The following KNDC1 variants were observed in gnomAD, a reference collection of about 807,000 sequenced individuals.
KNDC1 encodes the protein kinase non-catalytic C-lobe domain-containing protein 1.
A neutral mutation model predicts 172.8 loss-of-function variants in KNDC1; 106 were observed. The ratio of observed to expected loss-of-function variants is 0.61; its 90% CI spans 0.52 to 0.72. The LOEUF (loss-of-function observed/expected upper bound fraction) is 0.72, where lower values mean the gene tolerates loss of function less well. Ranked by LOEUF, KNDC1 falls within the 30% of genes least tolerant of loss-of-function variation. The pLI is 0.00. For synonymous variants in KNDC1, 1,083 were observed against 1,062.2 expected, an observed-to-expected ratio of 1.02 and a Z score of -0.38; for missense variants, 2,325 against 2,394.5, an observed-to-expected ratio of 0.97 and a Z score of 0.61.
Position 133,225,833 on chromosome 10 carries a change from C to G in KNDC1, c.*943C>G, listed in dbSNP as rs1384249065. 2 of 152,562 alleles carry G rather than the reference C, an allele frequency of 1.3e-5. No individual in the cohort carries two copies. Among genetic ancestry groups the G allele is most frequent in the Non-Finnish European group, 2.9e-5 (2 of 68,260 alleles). 9.5% of individuals were successfully genotyped at this position (152,562 alleles called of 1,614,324 possible). On this transcript the variant is annotated 3_prime_UTR_variant, in exon 30 of 30. Coordinates refer to ENST00000304613, the MANE Select transcript of KNDC1 (RefSeq NM_152643.8). ...GTGCGCTGCCTCCACGGCCCCTTGCCCTTGCTCAGGTTCTTGGACCCCAGG... is the reference window on the plus strand; with the variant it reads ...GTGCGCTGCCTCCACGGCCCCTTGCGCTTGCTCAGGTTCTTGGACCCCAGG...
At chr10:133,204,934 T>G (rs1185600600) in intron 17 of KNDC1, among the ~76,000 whole-genome samples, 3 of 147,710 alleles carry the variant, frequency 2.0e-5, no homozygotes, top group Non-Finnish European at 4.5e-5. Context: ...CACCTCACAG[T>G]CCCCCTGAAG....
rs1854044020 is a variant in KNDC1, at chr10:133,190,335, TAAACACCCTGCACTAAGCACCCTGC to T, written c.1575+524_1575+548del. On this transcript the variant is annotated intron_variant, in intron 9 of 29. Coordinates refer to ENST00000304613, the MANE Select transcript of KNDC1 (RefSeq NM_152643.8). ...ACACCCTGCAGTAAGCACCCTGCAC[TAAACACCCTGCACTAAGCACCCTGC>T]ACTAAACAAACACCCTGCACTAAAC... Among the ~76,000 whole-genome samples the T allele has an allele frequency of 7.2e-5, 4 of 55,278 alleles. No individual in the cohort carries two copies. In the South Asian group the frequency reaches 6.3e-3, roughly 87 times the overall value. 36.3% of individuals were successfully genotyped at this position (55,278 alleles called of 152,430 possible). A position where few individuals can be genotyped will look rare whatever the true frequency, so the allele number is the denominator to read the frequency against.
At chr10:133,206,186 G>A (rs1369767238) in intron 17 of KNDC1, among the ~76,000 whole-genome samples, 1 of 152,106 alleles carries the variant, frequency 6.6e-6, no homozygotes, top group African/African-American at 2.4e-5. Flanking sequence ...GGCAACAAGA[G>A]AAAAACCCCA....
At chr10:133,160,612 G>A in intron 1 of KNDC1, 43 bp downstream of exon 1, 2 of 1,435,036 alleles carry the variant, frequency 1.4e-6, no homozygotes, top group East Asian at 2.6e-5. Flanking sequence ...CGCCGCCGAG[G>A]GGTCCGCGGA....
Position 133,198,953 on chromosome 10 carries a change from C to T in KNDC1, c.2445C>T (p.Ala815=), listed in dbSNP as rs560932020. 79 of 1,550,838 alleles carry T rather than the reference C, an allele frequency of 5.1e-5. No homozygotes were observed. The highest frequency in any genetic ancestry group is 2.4e-4 in the South Asian group (20 of 84,782). ...GVASGGLRPD[A]LGPTTAHHGP... ...CTTCCGGGGGCCTCAGGCCCGACGC[C>T]CTGGGGCCCACCACGGCCCACCACG... Residue 815 remains alanine, a synonymous_variant, in exon 14 of 30, where the codon GCC becomes GCT. Coordinates refer to ENST00000304613, the MANE Select transcript of KNDC1 (RefSeq NM_152643.8).
At chr10:133,174,798 GGCGGATGGGTGGATGGTGGATAT>G (rs1853479966) in intron 3 of KNDC1, among the ~76,000 whole-genome samples, 1 of 151,854 alleles carries the variant, frequency 6.6e-6, no homozygotes, top group Non-Finnish European at 1.5e-5. Flanking sequence ...TGGACGAATG[GGCGGATGGGTGGATGGTGGATAT>G]GTGGATGGAT....
chr10:133,186,750 C>A, intron 6 of KNDC1, 76 bp downstream of exon 6: 3 of 1,026,944 alleles, frequency 2.9e-6, no homozygotes, highest in Non-Finnish European at 4.2e-6. Flanking sequence ...TCCACAGATG[C>A]AAACGCTTTG....
chr10:133,197,219 T>C, intron 11 of KNDC1, 84 bp downstream of exon 11: 1 of 1,077,202 alleles, frequency 9.3e-7, no homozygotes, highest in Non-Finnish European at 1.4e-6. Flanking sequence ...GCCTGGCCGC[T>C]CCCGGCAGCC....
At chr10:133,160,598 CT>C in intron 1 of KNDC1, 29 bp downstream of exon 1, 1 of 1,495,358 alleles carries the variant, frequency 6.7e-7, no homozygotes, top group South Asian at 1.2e-5. Context: ...TGGGGGGCCC[CT>C]TCCGCCGCCG....
intron 10 of KNDC1, among the ~76,000 whole-genome samples, chr10:133,196,447 G>A (rs776753753): frequency 1.3e-5 from 2 of 152,198 alleles, no homozygotes; most frequent in African/African-American, 2.4e-5. Context: ...GGGTGATCAG[G>A]AGGACCTCCT....
intron 3 of KNDC1, among the ~76,000 whole-genome samples, chr10:133,172,894 T>G (rs1169581770): frequency 6.6e-6 from 1 of 152,144 alleles, no homozygotes; most frequent in Non-Finnish European, 1.5e-5. Context: ...CCCCAGCCGC[T>G]CAGGAGGCTG....
intron 23 of KNDC1, 134 bp downstream of exon 23, chr10:133,211,992 C>CGTCT: frequency 1.2e-6 from 1 of 803,260 alleles, no homozygotes; most frequent in Non-Finnish European, 1.9e-6. Flanking sequence ...TACATGCATA[C>CGTCT]ACATAGACGT....
rs1178307057 is a variant in KNDC1, at chr10:133,225,623, T to G, written c.*733T>G. The G allele has an allele frequency of 6.6e-6, 1 of 152,428 alleles. No individual in the cohort carries two copies. Among genetic ancestry groups the G allele is most frequent in the African/African-American group, 2.4e-5 (1 of 41,422 alleles). 9.4% of individuals were successfully genotyped at this position (152,428 alleles called of 1,614,324 possible). On this transcript the variant is annotated 3_prime_UTR_variant, in exon 30 of 30. Coordinates refer to ENST00000304613, the MANE Select transcript of KNDC1 (RefSeq NM_152643.8). ...GTCATGCCCGGGCAAAGGCCCTGCT[T>G]CCTGGAAAGGACACTCAGAGCAGCT...
Position 133,160,302 on chromosome 10 carries a change from G to C in KNDC1, c.-166G>C. ...ACCCCGCGCCCCCCGCGCCCCCCGG[G>C]CCCGCCCCGTATCCCTGACCGCGTC... On this transcript the variant is annotated 5_prime_UTR_variant, in exon 1 of 30. Coordinates refer to ENST00000304613, the MANE Select transcript of KNDC1 (RefSeq NM_152643.8). 1 of 193,452 alleles carries C rather than the reference G, an allele frequency of 5.2e-6. No individual in the cohort carries two copies. Among genetic ancestry groups the C allele is most frequent in the Non-Finnish European group, 1.0e-5 (1 of 99,106 alleles). The allele number at this position is 193,452 out of a possible 1,614,324, so 12.0% of individuals were successfully genotyped here. A position where few individuals can be genotyped will look rare whatever the true frequency, so the allele number is the denominator to read the frequency against.
intron 9 of KNDC1, among the ~76,000 whole-genome samples, chr10:133,194,534 A>T (rs1034889611): frequency 7.9e-5 from 12 of 152,194 alleles, no homozygotes; most frequent in African/African-American, 2.7e-4. Flanking sequence ...ACAAAATAAA[A>T]GGTTAATTTT....
chr10:133,189,388 C>T (rs532331029), intron 7 of KNDC1, among the ~76,000 whole-genome samples: 3 of 152,298 alleles, frequency 2.0e-5, no homozygotes, highest in Non-Finnish European at 2.9e-5. Flanking sequence ...GCTGGGGCAG[C>T]GCTACCCTCG....
chr10:133,163,043 T>C lies in KNDC1; in HGVS notation c.102+2474T>C, dbSNP rs1853027479. 7.1e-6 allele frequency among the ~76,000 whole-genome samples: 1 copy of C among 141,188 alleles called. No individual in the cohort carries two copies. The highest frequency in any genetic ancestry group is 2.1e-4 in the East Asian group (1 of 4,728). 92.6% of individuals were successfully genotyped at this position (141,188 alleles called of 152,430 possible). A position where few individuals can be genotyped will look rare whatever the true frequency, so the allele number is the denominator to read the frequency against. ...ATGCAAGGAGGGCTTCCTGGAGGTGTCCTGCCCGGGATTCCCATGAGATTT... is the reference window on the plus strand; with the variant it reads ...ATGCAAGGAGGGCTTCCTGGAGGTGCCCTGCCCGGGATTCCCATGAGATTT... On this transcript the variant is annotated intron_variant, in intron 1 of 29. Transcript: ENST00000304613. This position sits in a 1 kb window ranked among gnomAD's most constrained non-coding sequence, Gnocchi z 4.4.
In KNDC1 at chr10:133,207,322, G is replaced by T. The variant is rs771429339; in HGVS notation, c.3765G>T (p.Pro1255=). 10 of 1,612,774 alleles carry T rather than the reference G, an allele frequency of 6.2e-6. No individual in the cohort carries two copies. The highest frequency in any genetic ancestry group is 5.0e-5 in the Admixed American group (3 of 60,004). The part of the protein sequence containing the change: ...QKARILQAGT[P]LGLMAYLYSS... ...CCCGCATCCTGCAGGCCGGCACGCC[G>T]CTGGGGCTCATGGCCTACCTGTACT... is the stretch of plus-strand genomic sequence containing the variant. Residue 1255 remains proline (P), a synonymous_variant, in exon 20 of 30, where the codon CCG becomes CCT. Transcript: ENST00000304613.
rs539346751 is a variant in KNDC1 at position 133,199,675 on chromosome 10, C to G, written c.2903+73C>G. 137 of 1,526,816 alleles carry G rather than the reference C, an allele frequency of 9.0e-5. 1 individual carries two copies. The African/African-American group carries it at 1.4e-3, about 15-fold the overall frequency. 94.6% of individuals were successfully genotyped at this position (1,526,816 alleles called of 1,614,324 possible). A position where few individuals can be genotyped will look rare whatever the true frequency, so the allele number is the denominator to read the frequency against. ...CTGTGCCTGGGCTCTGCTGCCTGAC[C>G]CGGGCCCAGCCTTCCCCTCCCAACC... On this transcript the variant is annotated intron_variant, in intron 15 of 29. Coordinates refer to ENST00000304613, the MANE Select transcript of KNDC1 (RefSeq NM_152643.8).
Sources: gnomAD v4.1 joint callset for allele counts (sites outside exome capture counted in the v4.1 genomes callset) on GRCh38, gnomAD v4.1.1 for gene constraint, Gnocchi (gnomAD v3.1) non-coding constraint, MANE v1.5 for transcripts, NCBI Gene and HGNC (gene_info 2026-07-23, HGNC 2026-07-21) for gene names.